COL4A5: variants seen among roughly 807,000 people sequenced by gnomAD.
COL4A5 encodes collagen alpha-5(IV) chain.
A neutral mutation model predicts 130.2 loss-of-function variants in COL4A5; 26 were observed. The ratio of observed to expected loss-of-function variants is 0.20; its 90% CI spans 0.15 to 0.28. The LOEUF (loss-of-function observed/expected upper bound fraction) is 0.28. Ranked by LOEUF, COL4A5 falls within the 10% of genes least tolerant of loss-of-function variation. The pLI is 1.00. For synonymous variants in COL4A5, 496 were observed against 439.6 expected (o/e 1.13, Z -1.60); for missense variants, 1,131 against 1,344.3 (o/e 0.84, Z 2.48).
chrX:108,646,837 A>G (rs1361609468), intron 36 of COL4A5, among the ~76,000 whole-genome samples: 1 of 111,099 alleles, frequency 9.0e-6, no homozygotes, highest in African/African-American at 3.3e-5. Context: ...TTAAATAGGG[A>G]ATCCTTTCCC....
chrX:108,578,378 G>A lies in COL4A5; in HGVS notation c.775G>A (p.Asp259Asn), dbSNP rs746727822. ...RPIDVEFQKG[D>N]QGLPGDRGPP... ...AATTGATGTAGAGTTTCAGAAAGGA[G>A]ATCAGGTGAGTAAGTAGGGAGGAAG... The change falls in exon 13 of 53, where the codon GAT becomes AAT. Residue 259 changes from aspartate to asparagine, a missense_variant. Coordinates refer to ENST00000328300, the MANE Select transcript of COL4A5 (RefSeq NM_033380.3). 8.4e-7 allele frequency: 1 copy of A among 1,184,176 alleles called. No homozygotes were observed. The highest frequency in any genetic ancestry group is 1.8e-5 in the South Asian group (1 of 56,285).
intron 1 of COL4A5, among the ~76,000 whole-genome samples, chrX:108,524,266 T>C (rs1194138568): frequency 1.8e-5 from 2 of 111,988 alleles, no homozygotes; most frequent in Non-Finnish European, 3.8e-5. Flanking sequence ...AGGGAAATGA[T>C]TTAGTCTTTT....
intron 1 of COL4A5, among the ~76,000 whole-genome samples, chrX:108,495,528 A>G (rs1334224750): frequency 9.0e-6 from 1 of 111,636 alleles, no homozygotes; most frequent in African/African-American, 3.3e-5. Flanking sequence ...CCATTAGAAA[A>G]TGGACAAAAG....
At chrX:108,474,392 A>G (rs1411741805) in intron 1 of COL4A5, among the ~76,000 whole-genome samples, 3 of 112,224 alleles carry the variant, frequency 2.7e-5, no homozygotes, top group South Asian at 3.7e-4. Flanking sequence ...TATTTAGTAC[A>G]GTAACATGCT....
At chrX:108,666,219 G>A (rs1033411706) in intron 38 of COL4A5, among the ~76,000 whole-genome samples, 7 of 110,988 alleles carry the variant, frequency 6.3e-5, no homozygotes, top group African/African-American at 2.0e-4. Context: ...ACTTCTCTTG[G>A]CCCCATATGA....
intron 29 of COL4A5, among the ~76,000 whole-genome samples, chrX:108,609,845 T>C (rs750194359): frequency 9.0e-6 from 1 of 111,030 alleles, no homozygotes; most frequent in Non-Finnish European, 1.9e-5. Context: ...GATCTACTTC[T>C]GTGCTGTCAA....
At chrX:108,574,921 G>A (rs1333779943) in intron 9 of COL4A5, among the ~76,000 whole-genome samples, 7 of 110,775 alleles carry the variant, frequency 6.3e-5, no homozygotes, top group Non-Finnish European at 1.3e-4. Context: ...CTGAGTAGCT[G>A]GGACCATAGG....
At chrX:108,563,037 G>T (rs1300029637) in intron 3 of COL4A5, among the ~76,000 whole-genome samples, 3 of 110,761 alleles carry the variant, frequency 2.7e-5, no homozygotes, top group Non-Finnish European at 5.7e-5. Flanking sequence ...AATATATACA[G>T]AACCTCCTCA....
intron 36 of COL4A5, chrX:108,627,023 A>T (rs1187562729): frequency 1.4e-6 from 1 of 725,992 alleles, no homozygotes; most frequent in African/African-American, 2.4e-5. Flanking sequence ...GTTCCCAGTG[A>T]TATAAGAATT....
rs2147780932 is a variant in COL4A5 at position 108,582,861 on chromosome X, A to T, written c.937-23A>T. 4.3e-6 allele frequency: 5 copies of T among 1,171,874 alleles called. No individual in the cohort carries two copies. In the East Asian group the frequency reaches 1.5e-4, roughly 35 times the overall value. On this transcript the variant is annotated intron_variant, in intron 16 of 52. Coordinates refer to ENST00000328300, the MANE Select transcript of COL4A5 (RefSeq NM_033380.3). ...TAACACCATCATTTGTGCTGATGTC[A>T]CCCTATCCTCTATGTTTTAAAGGGT... is the stretch of plus-strand genomic sequence containing the variant.
chrX:108,502,539 C>T (rs1428137942), intron 1 of COL4A5, among the ~76,000 whole-genome samples: 1 of 111,563 alleles, frequency 9.0e-6, no homozygotes, highest in African/African-American at 3.3e-5. Context: ...CCTGCCTCGG[C>T]CTCCCAAAGT....
At chrX:108,687,824 G>T in intron 49 of COL4A5, 130 bp downstream of exon 49, 1 of 560,745 alleles carries the variant, frequency 1.8e-6, no homozygotes, top group Non-Finnish European at 3.0e-6. Flanking sequence ...TGAAAACCAT[G>T]TCAAAGGCAA....
intron 44 of COL4A5, 96 bp downstream of exon 44, chrX:108,677,729 T>G: frequency 9.6e-7 from 1 of 1,038,013 alleles, no homozygotes. Flanking sequence ...TAACACTCAC[T>G]AGACAAGGTT....
intron 1 of COL4A5, among the ~76,000 whole-genome samples, chrX:108,476,798 A>G (rs1454542467): frequency 8.9e-6 from 1 of 111,782 alleles, no homozygotes; most frequent in Non-Finnish European, 1.9e-5. Flanking sequence ...TCCATTGTGT[A>G]TATATACCAC....
chrX:108,579,740 T>C (rs1056654149), intron 13 of COL4A5, among the ~76,000 whole-genome samples: 2 of 112,375 alleles, frequency 1.8e-5, no homozygotes, highest in Non-Finnish European at 3.8e-5. Flanking sequence ...AAAAGTTGTA[T>C]TGAAACTCTA....
chrX:108,534,395 C>T (rs2065427945), intron 1 of COL4A5, among the ~76,000 whole-genome samples: 1 of 111,832 alleles, frequency 8.9e-6, no homozygotes, highest in African/African-American at 3.2e-5. Flanking sequence ...GAATGGAATA[C>T]TACTTAGCCA....
intron 36 of COL4A5, among the ~76,000 whole-genome samples, chrX:108,634,886 CAA>C (rs2067326166): frequency 9.1e-6 from 1 of 110,274 alleles, no homozygotes; most frequent in African/African-American, 3.3e-5. Flanking sequence ...CCACGTGAAA[CAA>C]AGAGTACCCA....
chrX:108,549,123 T>G (rs2065712067), intron 2 of COL4A5, among the ~76,000 whole-genome samples: 1 of 111,741 alleles, frequency 8.9e-6, no homozygotes, highest in Non-Finnish European at 1.9e-5. Context: ...AAGCACTGTT[T>G]CAAGTGTAAC....
At chrX:108,644,191 T>TC (rs1413585822) in intron 36 of COL4A5, among the ~76,000 whole-genome samples, 1 of 111,768 alleles carries the variant, frequency 8.9e-6, no homozygotes, top group Non-Finnish European at 1.9e-5. Context: ...AATATCACAA[T>TC]CCTAAATATA....
Sources: gnomAD v4.1 joint callset for allele counts (sites outside exome capture counted in the v4.1 genomes callset) on GRCh38, gnomAD v4.1.1 for gene constraint, MANE v1.5 for transcripts, NCBI Gene and HGNC (gene_info 2026-07-23, HGNC 2026-07-21) for gene names.